Variants in ARHGAP15 observed in about 807,000 individuals in gnomAD.
ARHGAP15 encodes rho GTPase-activating protein 15.
Under a neutral mutation model 63.7 loss-of-function variants are expected in ARHGAP15, and 51 were observed. The observed-to-expected ratio is 0.80, with a 90% CI of 0.64 to 1.01. The LOEUF (loss-of-function observed/expected upper bound fraction) is 1.01, where lower values mean the gene tolerates loss of function less well. Among genes scored for constraint, ARHGAP15 ranks in the 50% least tolerant of loss-of-function variants. The probability of loss-of-function intolerance (pLI) is 0.00; values close to 1 mark genes in which losing one functional copy is unlikely to be tolerated. For synonymous variants in ARHGAP15, 191 were observed against 193.8 expected (o/e 0.99, Z 0.12); for missense variants, 560 against 564.6 (o/e 0.99, Z 0.08).
At chr2:143,278,801 T>C (rs1257370271) in intron 6 of ARHGAP15, among the ~76,000 whole-genome samples, 2 of 151,962 alleles carry the variant, frequency 1.3e-5, no homozygotes, top group Non-Finnish European at 2.9e-5. Context: ...GTGAAATTCA[T>C]AGTCACATTT....
chr2:143,662,501 A>C (rs1170381650), intron 12 of ARHGAP15, among the ~76,000 whole-genome samples: 1 of 143,934 alleles, frequency 6.9e-6, no homozygotes, highest in Non-Finnish European at 1.5e-5. Context: ...TCTAAAACGC[A>C]GAGTGCCTCT....
chr2:143,328,917 A>G (rs1684379001), intron 6 of ARHGAP15, among the ~76,000 whole-genome samples: 1 of 152,264 alleles, frequency 6.6e-6, no homozygotes, highest in South Asian at 2.1e-4. Context: ...GTTATGCATT[A>G]CATGCCTGTA....
At chr2:143,145,510 C>T (rs1689545546) in intron 1 of ARHGAP15, among the ~76,000 whole-genome samples, 1 of 151,974 alleles carries the variant, frequency 6.6e-6, no homozygotes, top group Admixed American at 6.6e-5. Flanking sequence ...GAGAACTGTG[C>T]CACCTAGCAA....
At chr2:143,382,870 A>T (rs997207853) in intron 6 of ARHGAP15, among the ~76,000 whole-genome samples, 1 of 152,206 alleles carries the variant, frequency 6.6e-6, no homozygotes, top group Non-Finnish European at 1.5e-5. Context: ...TCTCATAAAA[A>T]GCATTTGCTT....
At chr2:143,227,728 C>A (rs1286759529) in intron 4 of ARHGAP15, among the ~76,000 whole-genome samples, 1 of 152,038 alleles carries the variant, frequency 6.6e-6, no homozygotes, top group African/African-American at 2.4e-5. Flanking sequence ...CTATTATATG[C>A]AATTTATTTA....
chr2:143,260,416 C>A (rs1349855390), intron 6 of ARHGAP15, among the ~76,000 whole-genome samples: 1 of 152,020 alleles, frequency 6.6e-6, no homozygotes, highest in Admixed American at 6.6e-5. Flanking sequence ...GATCACAAGT[C>A]TTTGAAGATT....
chr2:143,181,242 A>G (rs752085154), intron 2 of ARHGAP15, among the ~76,000 whole-genome samples: 4 of 152,126 alleles, frequency 2.6e-5, no homozygotes, highest in Non-Finnish European at 5.9e-5. Flanking sequence ...TTGTTGTTCC[A>G]TTTATAAAAT....
At chr2:143,550,542 A>T (rs887796979) in intron 10 of ARHGAP15, among the ~76,000 whole-genome samples, 1 of 152,220 alleles carries the variant, frequency 6.6e-6, no homozygotes, top group Admixed American at 6.5e-5. Context: ...TAAGTCCCTC[A>T]GTTGTATTAA....
chr2:143,222,377 C>T lies in ARHGAP15; in HGVS notation c.296+5932C>T, dbSNP rs183859029. 2.6e-5 allele frequency among the ~76,000 whole-genome samples: 4 copies of T among 152,304 alleles called. No individual in the cohort carries two copies. The East Asian group carries it at 7.7e-4, about 29-fold the overall frequency. On this transcript the variant is annotated intron_variant, in intron 4 of 13. Coordinates refer to ENST00000295095, the MANE Select transcript of ARHGAP15 (RefSeq NM_018460.4). ...GAGAACCTGAAATTTGTCAAGGAAC[C>T]TCACATATATTTTCTTCTGACTTTT... is the stretch of plus-strand genomic sequence containing the variant.
intron 12 of ARHGAP15, among the ~76,000 whole-genome samples, chr2:143,669,409 C>T (rs1192989866): frequency 6.6e-6 from 1 of 152,148 alleles, no homozygotes; most frequent in African/African-American, 2.4e-5. Flanking sequence ...AAACTTAGAT[C>T]TAATGCCTAG....
chr2:143,267,360 T>C (rs1409685481), intron 6 of ARHGAP15, among the ~76,000 whole-genome samples: 3 of 152,200 alleles, frequency 2.0e-5, no homozygotes, highest in Non-Finnish European at 4.4e-5. Context: ...AAAAGAACCA[T>C]TCAGCTCCTT....
chr2:143,177,289 ACT>A (rs1284382315), intron 2 of ARHGAP15, among the ~76,000 whole-genome samples: 1 of 152,020 alleles, frequency 6.6e-6, no homozygotes, highest in Non-Finnish European at 1.5e-5. Context: ...TGCTTAGAGT[ACT>A]CTGTCGTAGA....
intron 12 of ARHGAP15, among the ~76,000 whole-genome samples, chr2:143,675,577 G>A (rs1682784763): frequency 6.6e-6 from 1 of 152,166 alleles, no homozygotes. Context: ...TGTGTTAGCA[G>A]GCATGAAAGC....
chr2:143,195,652 A>C (rs1691861523), intron 2 of ARHGAP15, among the ~76,000 whole-genome samples: 1 of 152,170 alleles, frequency 6.6e-6, no homozygotes, highest in Non-Finnish European at 1.5e-5. Context: ...CCACAGATTT[A>C]TTGCTGCTTT....
chr2:143,512,139 T>A (rs1338895567), intron 9 of ARHGAP15, among the ~76,000 whole-genome samples: 3 of 152,208 alleles, frequency 2.0e-5, no homozygotes, highest in Non-Finnish European at 2.9e-5. Context: ...AATATATTTG[T>A]CTTCCATCAC....
chr2:143,626,085 G>T (rs1004365630), intron 12 of ARHGAP15, among the ~76,000 whole-genome samples: 1 of 152,124 alleles, frequency 6.6e-6, no homozygotes, highest in Non-Finnish European at 1.5e-5. Flanking sequence ...AAATTTTATA[G>T]AATTTCAGAA....
intron 13 of ARHGAP15, among the ~76,000 whole-genome samples, chr2:143,715,556 C>T (rs1263767309): frequency 6.6e-6 from 1 of 152,174 alleles, no homozygotes; most frequent in East Asian, 1.9e-4. Flanking sequence ...AATAATAATA[C>T]TTTTAATGGG....
intron 10 of ARHGAP15, 110 bp downstream of exon 10, chr2:143,519,474 T>C: frequency 1.3e-6 from 1 of 782,966 alleles, no homozygotes; most frequent in South Asian, 1.7e-5. Context: ...CAATTAAAAC[T>C]TGACTTGTGT....
intron 6 of ARHGAP15, among the ~76,000 whole-genome samples, chr2:143,430,989 T>C (rs1440169934): frequency 6.6e-6 from 1 of 152,088 alleles, no homozygotes; most frequent in Non-Finnish European, 1.5e-5. Flanking sequence ...ATTGCTTTAG[T>C]CCTTTCTAGG....
Sources: allele counts gnomAD v4.1 joint callset (sites outside exome capture counted in the v4.1 genomes callset), GRCh38; gene constraint gnomAD v4.1.1; transcripts MANE v1.5; gene names NCBI Gene and HGNC (gene_info 2026-07-23, HGNC 2026-07-21).